The following PRKACB variants were observed in gnomAD, a reference collection of about 807,000 sequenced individuals.
The protein encoded by PRKACB is protein kinase cAMP-activated catalytic subunit beta, also known as cAMP-dependent protein kinase catalytic subunit beta.
A neutral mutation model predicts 51.4 loss-of-function variants in PRKACB; 16 were observed. The observed-to-expected ratio is 0.31, with a 90% CI of 0.21 to 0.47. The LOEUF is 0.47. Ranked by LOEUF, PRKACB falls within the 20% of genes least tolerant of loss-of-function variation. The pLI is 1.00. For missense variants in PRKACB, 309 were observed against 464.5 expected (o/e 0.67, Z 3.08); for synonymous variants, 147 against 154.4 (o/e 0.95, Z 0.35).
chr1:84,104,209 T>G (rs1408424443), intron 1 of PRKACB, among the ~76,000 whole-genome samples: 1 of 152,184 alleles, frequency 6.6e-6, no homozygotes, highest in Non-Finnish European at 1.5e-5. Flanking sequence ...AGCTCCCTCA[T>G]ATGGGTGAGA....
chr1:84,140,938 T>G (rs1411478307), upstream of PRKACB, among the ~76,000 whole-genome samples: 4 of 152,094 alleles, frequency 2.6e-5, no homozygotes, highest in Non-Finnish European at 4.4e-5. Flanking sequence ...TTACTTTATT[T>G]GTAAGGATCT....
At chr1:84,126,379 C>A (rs1266067246) in intron 1 of PRKACB, among the ~76,000 whole-genome samples, 1 of 152,062 alleles carries the variant, frequency 6.6e-6, no homozygotes, top group East Asian at 1.9e-4. Flanking sequence ...GGAAGGTGGT[C>A]TTCTCCTGGA....
intron 9 of PRKACB, among the ~76,000 whole-genome samples, chr1:84,229,857 A>G (rs2101684608): frequency 6.6e-6 from 1 of 152,198 alleles, no homozygotes; most frequent in African/African-American, 2.4e-5. Context: ...AGTAGGTTGC[A>G]AGAATTTTCT....
intron 5 of PRKACB, among the ~76,000 whole-genome samples, chr1:84,191,420 T>C (rs1179795463): frequency 2.0e-5 from 3 of 152,086 alleles, no homozygotes; most frequent in African/African-American, 7.2e-5. Flanking sequence ...GAATTCCCTC[T>C]GTAAGTGACC....
chr1:84,208,122 C>T (rs577415313), intron 8 of PRKACB, among the ~76,000 whole-genome samples: 282 of 152,254 alleles, frequency 1.9e-3, no homozygotes, highest in Non-Finnish European at 3.3e-3. Context: ...CCTGTCTTGG[C>T]GTCTCAAATT....
intron 1 of PRKACB, among the ~76,000 whole-genome samples, chr1:84,091,707 G>T (rs964623930): frequency 1.3e-5 from 2 of 152,042 alleles, no homozygotes; most frequent in Non-Finnish European, 2.9e-5. Flanking sequence ...GTTTTGCCAT[G>T]TTGCCCGGCC....
chr1:84,218,717 A>G lies in PRKACB; in HGVS notation c.1071+4400A>G, dbSNP rs148926659. Among the ~76,000 whole-genome samples, 40 of 152,286 alleles carry G rather than the reference A, an allele frequency of 2.6e-4. No homozygotes were observed. The East Asian group carries it at 7.5e-3, about 29-fold the overall frequency. On this transcript the variant is annotated intron_variant, in intron 9 of 9. Transcript: ENST00000370685. ...TTTTAGATTTTTGAAAAATCTCTGT[A>G]CTATTTTCCATAGTAGCTGTACTAA...
chr1:84,087,102 A>G (rs952831912), intron 1 of PRKACB, among the ~76,000 whole-genome samples: 1 of 152,272 alleles, frequency 6.6e-6, no homozygotes, highest in African/African-American at 2.4e-5. Context: ...TTCTATTCTT[A>G]TGTGAAACCA....
chr1:84,103,659 CA>C lies in PRKACB; in HGVS notation c.46+25289del, dbSNP rs545530554. Among the ~76,000 whole-genome samples the C allele has an allele frequency of 3.9e-5, 6 of 152,250 alleles. No individual in the cohort carries two copies. In the South Asian group the frequency reaches 1.2e-3, roughly 32 times the overall value. ...CCAGACATTGTGGTATAGAGATGAA[CA>C]GTTCCTACTGTGTGTTGCCCAAATT... On this transcript the variant is annotated intron_variant, in intron 1 of 8. Transcript: ENST00000370688.
chr1:84,138,824 A>G (rs1653102050), intron 1 of PRKACB, among the ~76,000 whole-genome samples: 1 of 152,210 alleles, frequency 6.6e-6, no homozygotes, highest in Admixed American at 6.5e-5. Flanking sequence ...TATACAAGGA[A>G]TATTACACCA....
chr1:84,109,663 A>G (rs1650059102), intron 1 of PRKACB, among the ~76,000 whole-genome samples: 1 of 151,912 alleles, frequency 6.6e-6, no homozygotes, highest in Admixed American at 6.6e-5. Context: ...AATGAGTTAC[A>G]ATTTTTGCAA....
At chr1:84,199,552 T>C (rs1250546388) in intron 7 of PRKACB, among the ~76,000 whole-genome samples, 1 of 152,150 alleles carries the variant, frequency 6.6e-6, no homozygotes, top group Non-Finnish European at 1.5e-5. Flanking sequence ...TAGTCTACAA[T>C]TGGTGGACAT....
rs1211731654 is a variant in PRKACB, at chr1:84,237,544, A to G, written c.*2239A>G. 3.3e-5 allele frequency: 5 copies of G among 152,434 alleles called. No individual in the cohort carries two copies. The East Asian group carries it at 7.7e-4, about 24-fold the overall frequency. 9.4% of individuals were successfully genotyped at this position (152,434 alleles called of 1,614,324 possible). Reference sequence around the variant, plus strand: ...ATTCAGCCATTCCATTTTACTCTCTATTTAAAGGCCGTGAGCAAGCTTGTC... The same window carrying G: ...ATTCAGCCATTCCATTTTACTCTCTGTTTAAAGGCCGTGAGCAAGCTTGTC... On this transcript the variant is annotated 3_prime_UTR_variant, in exon 10 of 10. Transcript: ENST00000370685.
At chr1:84,127,587 G>A (rs1344674040) in intron 1 of PRKACB, among the ~76,000 whole-genome samples, 1 of 142,658 alleles carries the variant, frequency 7.0e-6, no homozygotes, top group Non-Finnish European at 1.6e-5. Context: ...ATTATTCCTG[G>A]CACATTACTG....
intron 1 of PRKACB, among the ~76,000 whole-genome samples, chr1:84,085,251 G>A (rs1266638191): frequency 6.6e-6 from 1 of 152,202 alleles, no homozygotes; most frequent in Non-Finnish European, 1.5e-5. Context: ...TATGTACTGA[G>A]TAAATGTCAG....
rs903899793 is a variant in PRKACB at position 84,110,836 on chromosome 1, T to G, written c.46+32465T>G. Among the ~76,000 whole-genome samples, 9 of 152,180 alleles carry G rather than the reference T, an allele frequency of 5.9e-5. No individual in the cohort carries two copies. In the East Asian group the frequency reaches 1.7e-3, roughly 29 times the overall value. On this transcript the variant is annotated intron_variant, in intron 1 of 8. Coordinates refer to the PRKACB transcript ENST00000370688. ...AAATTATCGTTTCCTGAATCTGCAC[T>G]TCCTATTTTGGTGAAAATGATGCAC...
At chr1:84,192,190 G>T (rs970926302) in intron 5 of PRKACB, among the ~76,000 whole-genome samples, 2 of 151,898 alleles carry the variant, frequency 1.3e-5, no homozygotes, top group African/African-American at 4.8e-5. Context: ...TTTTTAATAG[G>T]TAATATTATG....
At chr1:84,225,378 G>A (rs1156892312) in intron 9 of PRKACB, among the ~76,000 whole-genome samples, 4 of 152,082 alleles carry the variant, frequency 2.6e-5, no homozygotes, top group Admixed American at 6.6e-5. Flanking sequence ...TTTGGCTTCC[G>A]GCCCCAGAAA....
intron 7 of PRKACB, among the ~76,000 whole-genome samples, chr1:84,200,136 T>C (rs1279066458): frequency 6.9e-6 from 1 of 145,892 alleles, no homozygotes; most frequent in Non-Finnish European, 1.6e-5. Flanking sequence ...GGTGAGCCAC[T>C]ATGCCCTTCC....
Sources: gnomAD v4.1 joint callset for allele counts (sites outside exome capture counted in the v4.1 genomes callset) on GRCh38, gnomAD v4.1.1 for gene constraint, MANE v1.5 for transcripts, NCBI Gene and HGNC (gene_info 2026-07-23, HGNC 2026-07-21) for gene names.